MAML2: variants seen among roughly 807,000 people sequenced by gnomAD.
MAML2 encodes the protein mastermind like transcriptional coactivator 2, also known as mastermind-like protein 2.
MAML2 carries 22 observed loss-of-function variants against 96.1 expected under a neutral mutation model. The ratio of observed to expected loss-of-function variants is 0.23; its 90% confidence interval spans 0.16 to 0.33. The LOEUF (loss-of-function observed/expected upper bound fraction) is 0.33, where lower values mean the gene tolerates loss of function less well. Ranked by LOEUF, MAML2 falls within the 10% of genes least tolerant of loss-of-function variation. MAML2 has a pLI of 1.00. For missense variants in MAML2, 1,367 were observed against 1,392.4 expected (o/e 0.98, Z 0.29); for synonymous variants, 561 against 521.3 (o/e 1.08, Z -1.04).
chr11:96,276,661 C>T (rs1293655932), intron 1 of MAML2, among the ~76,000 whole-genome samples: 2 of 152,034 alleles, frequency 1.3e-5, no homozygotes, highest in Non-Finnish European at 2.9e-5. Flanking sequence ...TGGATCCACA[C>T]ATTGAAATGG....
rs35035966 is a variant in MAML2, at chr11:96,065,415, G to GCACACA, written c.2139+26471_2139+26476dup. ...CTCTAGTGCACATGCGTGCGTGCAT[G>GCACACA]CACACACACACACACACACACACAC... On this transcript the variant is annotated intron_variant, in intron 2 of 4. Coordinates refer to ENST00000524717, the MANE Select transcript of MAML2 (RefSeq NM_032427.4). 6.6e-3 allele frequency among the ~76,000 whole-genome samples: 986 copies of GCACACA among 149,546 alleles called. 8 individuals carry two copies. The highest frequency in any genetic ancestry group is 0.016 in the African/African-American group (663 of 40,704).
chr11:96,222,829 T>C (rs1796469480), intron 1 of MAML2, among the ~76,000 whole-genome samples: 1 of 152,222 alleles, frequency 6.6e-6, no homozygotes, highest in African/African-American at 2.4e-5. Context: ...CTAGAATTAC[T>C]ACCAGTTTTA....
chr11:96,322,849 G>A (rs1863724953), intron 1 of MAML2, among the ~76,000 whole-genome samples: 1 of 152,190 alleles, frequency 6.6e-6, no homozygotes, highest in South Asian at 2.1e-4. Context: ...AGGAAATGCC[G>A]GATGTCCTAG....
At chr11:96,236,888 G>T (rs1862373687) in intron 1 of MAML2, among the ~76,000 whole-genome samples, 1 of 152,044 alleles carries the variant, frequency 6.6e-6, no homozygotes, top group South Asian at 2.1e-4. Flanking sequence ...TTCAATAAGT[G>T]CTTTTCTTTG....
chr11:96,227,413 G>A (rs905162346), intron 1 of MAML2, among the ~76,000 whole-genome samples: 2 of 152,146 alleles, frequency 1.3e-5, no homozygotes, highest in African/African-American at 4.8e-5. Context: ...TAAGTTTCAT[G>A]CCAAGAATGC....
chr11:95,979,093 T>A lies in MAML2; in HGVS notation c.3326A>T (p.Asp1109Val). The change falls in exon 5 of 5, where the codon GAC (aspartate) becomes GTC (valine). Residue 1109 changes from aspartate (D) to valine (V), a missense_variant. Coordinates refer to ENST00000524717, the MANE Select transcript of MAML2 (RefSeq NM_032427.4). Reference protein sequence around the residue: ...GTDHSSDLAFDFLSQQNDNMG... With the variant: ...GTDHSSDLAFVFLSQQNDNMG... ...GTTATCATTTTGTTGGCTGAGGAAG[T>A]CAAAAGCTAAGTCACTGCTGTGGTC... is the stretch of plus-strand genomic sequence containing the variant. 1 of 1,613,986 alleles carries A rather than the reference T, an allele frequency of 6.2e-7. No homozygotes were observed. Among genetic ancestry groups the A allele is most frequent in the Non-Finnish European group, 8.5e-7 (1 of 1,179,884 alleles).
At chr11:96,275,233 A>T (rs996798524) in intron 1 of MAML2, among the ~76,000 whole-genome samples, 24 of 150,390 alleles carry the variant, frequency 1.6e-4, no homozygotes, top group Admixed American at 2.6e-4. Context: ...ACATATCCTA[A>T]CTTTTGCATT....
chr11:96,031,874 C>A (rs901183015), intron 2 of MAML2, among the ~76,000 whole-genome samples: 1 of 151,904 alleles, frequency 6.6e-6, no homozygotes, highest in Non-Finnish European at 1.5e-5. Context: ...TAGTCCCAGC[C>A]TCTTGGGAGG....
intron 1 of MAML2, among the ~76,000 whole-genome samples, chr11:96,295,937 A>AACACAC (rs56231526): frequency 0.05 from 6,946 of 137,776 alleles, 246 homozygotes; most frequent in South Asian, 0.11. Flanking sequence ...CAGAACAGTA[A>AACACAC]ACACACACAC....
chr11:96,247,865 A>G (rs2164182), intron 1 of MAML2, among the ~76,000 whole-genome samples: 14,107 of 152,074 alleles, frequency 0.093, 925 homozygotes, highest in East Asian at 0.2. Flanking sequence ...CACACCAACA[A>G]CCTTCCACCA....
At chr11:96,292,572 G>C (rs1170196957) in intron 1 of MAML2, among the ~76,000 whole-genome samples, 1 of 152,156 alleles carries the variant, frequency 6.6e-6, no homozygotes, top group African/African-American at 2.4e-5. Context: ...TGGCCCTAAA[G>C]GCCATACTCT....
At chr11:96,077,213 C>CT (rs1859454554) in intron 2 of MAML2, among the ~76,000 whole-genome samples, 2 of 90,460 alleles carry the variant, frequency 2.2e-5, no homozygotes, top group South Asian at 7.1e-4. Context: ...CCCCAACTCT[C>CT]TCTCTCTTTT....
chr11:96,038,022 C>T (rs1177058198), intron 2 of MAML2, among the ~76,000 whole-genome samples: 2 of 152,042 alleles, frequency 1.3e-5, no homozygotes, highest in African/African-American at 4.8e-5. Flanking sequence ...ATTAGAATAA[C>T]ATTGTAATAT....
chr11:96,298,033 T>C (rs960095377), intron 1 of MAML2, among the ~76,000 whole-genome samples: 3 of 152,190 alleles, frequency 2.0e-5, no homozygotes, highest in African/African-American at 4.8e-5. Flanking sequence ...CCTTACCTTG[T>C]ACCTATCATT....
chr11:96,024,499 C>T (rs374373573), intron 2 of MAML2, among the ~76,000 whole-genome samples: 6 of 152,250 alleles, frequency 3.9e-5, no homozygotes, highest in African/African-American at 1.4e-4. Context: ...CTATATTTCA[C>T]ACTTTCTAAG....
chr11:96,244,659 A>G (rs1862487440), intron 1 of MAML2, among the ~76,000 whole-genome samples: 1 of 152,228 alleles, frequency 6.6e-6, no homozygotes, highest in Non-Finnish European at 1.5e-5. Context: ...ACGACTCTAC[A>G]GAACTATGAT....
intron 1 of MAML2, among the ~76,000 whole-genome samples, chr11:96,284,128 G>A (rs903976196): frequency 6.6e-6 from 1 of 152,144 alleles, no homozygotes; most frequent in Non-Finnish European, 1.5e-5. Flanking sequence ...ACTGGCTGAA[G>A]GAAAGTCGTT....
intron 1 of MAML2, among the ~76,000 whole-genome samples, chr11:96,143,852 A>C (rs1374698881): frequency 1.3e-5 from 2 of 152,180 alleles, no homozygotes; most frequent in Non-Finnish European, 2.9e-5. Flanking sequence ...TGTGCCGCGA[A>C]CCTTGCTCTC....
At chr11:95,984,386 A>G (rs997473190) in intron 4 of MAML2, among the ~76,000 whole-genome samples, 3 of 152,212 alleles carry the variant, frequency 2.0e-5, no homozygotes, top group African/African-American at 7.2e-5. Context: ...ACAATCAACT[A>G]GAGAATCCTG....
Sources: gnomAD v4.1 joint callset for allele counts (sites outside exome capture counted in the v4.1 genomes callset) on GRCh38, gnomAD v4.1.1 for gene constraint, MANE v1.5 for transcripts, NCBI Gene and HGNC (gene_info 2026-07-23, HGNC 2026-07-21) for gene names.